Variants in COG7 observed in about 807,000 individuals in gnomAD.
COG7 encodes conserved oligomeric Golgi complex subunit 7.
COG7 carries 49 observed loss-of-function variants against 91.5 expected under a neutral mutation model. The observed-to-expected ratio is 0.54, with a 90% confidence interval of 0.43 to 0.68. The LOEUF is 0.68. COG7 is among the 30% of genes least tolerant of loss of function. COG7 has a pLI of 0.00. For missense variants in COG7, 895 were observed against 961.3 expected (o/e 0.93, Z 0.91); for synonymous variants, 365 against 388.7 (o/e 0.94, Z 0.72).
At chr16:23,417,239 TA>T (rs1365379583) in intron 8 of COG7, 118 bp from the exon 9 acceptor site, 6 of 1,075,438 alleles carry the variant, frequency 5.6e-6, no homozygotes, top group Admixed American at 3.7e-5. Context: ...ATGTCAGAAA[TA>T]TAGTCCCAAC....
At chr16:23,428,168 C>T (rs1460505760) in intron 6 of COG7, among the ~76,000 whole-genome samples, 1 of 151,806 alleles carries the variant, frequency 6.6e-6, no homozygotes, top group African/African-American at 2.4e-5. Flanking sequence ...CATAGTGAAA[C>T]CCCATATCTA....
intron 6 of COG7, among the ~76,000 whole-genome samples, chr16:23,431,434 G>A (rs1383228968): frequency 5.9e-5 from 9 of 152,212 alleles, no homozygotes; most frequent in Admixed American, 2.6e-4. Context: ...CTTAGATGAC[G>A]AAAGGCATTC....
chr16:23,427,979 C>T (rs1567341438), intron 6 of COG7, among the ~76,000 whole-genome samples: 2 of 152,096 alleles, frequency 1.3e-5, no homozygotes, highest in African/African-American at 4.8e-5. Flanking sequence ...AGTTCGAGAC[C>T]AGCCTGTGCA....
intron 11 of COG7, among the ~76,000 whole-genome samples, chr16:23,407,693 A>C (rs1963485066): frequency 6.6e-6 from 1 of 152,142 alleles, no homozygotes; most frequent in East Asian, 1.9e-4. Flanking sequence ...TTCATTTGTG[A>C]ATTACTAGCA....
intron 6 of COG7, among the ~76,000 whole-genome samples, chr16:23,427,257 G>C (rs1345290954): frequency 1.3e-5 from 2 of 149,802 alleles, no homozygotes; most frequent in Non-Finnish European, 3.0e-5. Flanking sequence ...TTGCAAAAAA[G>C]CAAACAAACA....
intron 2 of COG7, 37 bp downstream of exon 2, chr16:23,445,776 C>T: frequency 6.2e-7 from 1 of 1,610,472 alleles, no homozygotes; most frequent in Non-Finnish European, 8.5e-7. Context: ...AAGCAAGAAT[C>T]ACCATTTACA....
At chr16:23,443,840 G>C (rs191739523) in intron 3 of COG7, among the ~76,000 whole-genome samples, 30 of 152,036 alleles carry the variant, frequency 2.0e-4, no homozygotes, top group Admixed American at 1.6e-3. Flanking sequence ...TTGATAACAG[G>C]GCTTGTCCGC....
intron 9 of COG7, chr16:23,414,419 G>C (rs1047906309): frequency 3.9e-5 from 6 of 152,226 alleles, no homozygotes; most frequent in African/African-American, 1.4e-4. Flanking sequence ...ACTTGTGCAT[G>C]GAAGTTCAAG....
chr16:23,395,665 T>C (rs145331744), intron 14 of COG7, among the ~76,000 whole-genome samples: 26 of 152,306 alleles, frequency 1.7e-4, no homozygotes, highest in African/African-American at 6.0e-4. Flanking sequence ...GATCTCACAG[T>C]GCAGGTTTCT....
intron 7 of COG7, among the ~76,000 whole-genome samples, chr16:23,422,094 G>A (rs1473230063): frequency 2.6e-5 from 4 of 152,082 alleles, no homozygotes; most frequent in African/African-American, 9.7e-5. Flanking sequence ...AGAATCACTT[G>A]AGCCTAGGAG....
intron 4 of COG7, among the ~76,000 whole-genome samples, chr16:23,438,707 T>C (rs1964050604): frequency 6.6e-6 from 1 of 151,090 alleles, no homozygotes; most frequent in Non-Finnish European, 1.5e-5. Context: ...TACCATTTCA[T>C]ACTAATTAGT....
chr16:23,434,597 T>C, intron 5 of COG7, 39 bp downstream of exon 5: 1 of 1,447,668 alleles, frequency 6.9e-7, no homozygotes, highest in Admixed American at 1.7e-5. Context: ...TTATGAGCAT[T>C]CCACAACTGC....
chr16:23,439,452 G>A (rs1964066580), intron 4 of COG7, among the ~76,000 whole-genome samples: 2 of 152,054 alleles, frequency 1.3e-5, no homozygotes, highest in Admixed American at 6.6e-5. Context: ...CCAAAAGGTA[G>A]AAATAACCTA....
chr16:23,433,401 T>C, intron 6 of COG7, 144 bp downstream of exon 6: 1 of 1,106,906 alleles, frequency 9.0e-7, no homozygotes, highest in Non-Finnish European at 1.3e-6. Context: ...TAACTGGTTA[T>C]TTTTTAACCC....
chr16:23,417,152 A>G (rs1183771683), intron 8 of COG7, 31 bp from the exon 9 acceptor site: 2 of 1,612,144 alleles, frequency 1.2e-6, no homozygotes, highest in Non-Finnish European at 1.7e-6. Context: ...AAGCTGCATT[A>G]GGCTTTAGAA....
chr16:23,389,690 G>A (rs1177251467), intron 16 of COG7, among the ~76,000 whole-genome samples: 2 of 152,200 alleles, frequency 1.3e-5, no homozygotes, highest in Non-Finnish European at 2.9e-5. Context: ...TGTCTGGGGT[G>A]GGACCCTGGT....
intron 6 of COG7, among the ~76,000 whole-genome samples, chr16:23,429,006 T>C (rs1963892229): frequency 6.6e-6 from 1 of 151,594 alleles, no homozygotes; most frequent in Admixed American, 6.6e-5. Context: ...TTTCTTTTTT[T>C]TGAGACAGGG....
At chr16:23,449,778 A>C (rs1331671627) in intron 1 of COG7, among the ~76,000 whole-genome samples, 1 of 151,512 alleles carries the variant, frequency 6.6e-6, no homozygotes, top group Non-Finnish European at 1.5e-5. Context: ...CCTCCCACCA[A>C]TTTCCAAATA....
chr16:23,425,017 C>A, intron 6 of COG7, 70 bp from the exon 7 acceptor site: 1 of 1,396,410 alleles, frequency 7.2e-7, no homozygotes, highest in Non-Finnish European at 9.9e-7. Context: ...TTTTAAAAAA[C>A]TTTTTTGAGA....
Sources: allele counts gnomAD v4.1 joint callset (sites outside exome capture counted in the v4.1 genomes callset), GRCh38; gene constraint gnomAD v4.1.1; transcripts MANE v1.5; gene names NCBI Gene and HGNC (gene_info 2026-07-23, HGNC 2026-07-21).